The following TRPC5 variants were observed in gnomAD, a reference collection of about 807,000 sequenced individuals.
TRPC5 encodes the protein short transient receptor potential channel 5.
A neutral mutation model predicts 56.5 loss-of-function variants in TRPC5; 9 were observed. That is an observed-to-expected ratio of 0.16 (90% confidence interval 0.10 to 0.28). The LOEUF (loss-of-function observed/expected upper bound fraction) is 0.28. Ranked by LOEUF, TRPC5 falls within the 10% of genes least tolerant of loss-of-function variation. TRPC5 has a pLI of 1.00. For synonymous variants in TRPC5, 282 were observed against 278.5 expected, an observed-to-expected ratio of 1.01 and a Z score of -0.13; for missense variants, 469 against 748.9, an observed-to-expected ratio of 0.63 and a Z score of 4.36.
chrX:111,799,276 G>A (rs1921225131), intron 7 of TRPC5, among the ~76,000 whole-genome samples: 1 of 111,274 alleles, frequency 9.0e-6, no homozygotes, highest in South Asian at 3.9e-4. Flanking sequence ...GTACTAGAAG[G>A]CCTGGACAAT....
intron 1 of TRPC5, among the ~76,000 whole-genome samples, chrX:112,024,241 G>T (rs1929358806): frequency 1.8e-5 from 2 of 111,957 alleles, no homozygotes; most frequent in African/African-American, 6.5e-5. Flanking sequence ...TATTCTGGGT[G>T]TGTCTGTGAG....
chrX:111,941,915 A>G (rs1159939962), intron 2 of TRPC5, among the ~76,000 whole-genome samples: 1 of 111,930 alleles, frequency 8.9e-6, no homozygotes, highest in Non-Finnish European at 1.9e-5. Context: ...TGTAGCAAGG[A>G]CTGCAGGTGT....
At chrX:112,050,523 C>T (rs1248270086) in intron 1 of TRPC5, among the ~76,000 whole-genome samples, 1 of 112,383 alleles carries the variant, frequency 8.9e-6, no homozygotes, top group East Asian at 2.8e-4. Flanking sequence ...TTGTGCACAT[C>T]TTGCTAACCT....
At chrX:112,065,064 C>T (rs1332664116) in intron 1 of TRPC5, among the ~76,000 whole-genome samples, 1 of 98,418 alleles carries the variant, frequency 1.0e-5, no homozygotes, top group Non-Finnish European at 2.0e-5. Flanking sequence ...GGGAGACCAG[C>T]GAGACTACGT....
intron 1 of TRPC5, among the ~76,000 whole-genome samples, chrX:112,035,592 C>G (rs932333973): frequency 4.6e-5 from 5 of 109,890 alleles, no homozygotes; most frequent in Non-Finnish European, 9.5e-5. Flanking sequence ...AAGAATATAT[C>G]TTTGATTATT....
At chrX:111,843,894 G>A (rs1458778116) in intron 6 of TRPC5, among the ~76,000 whole-genome samples, 1 of 105,190 alleles carries the variant, frequency 9.5e-6, no homozygotes, top group African/African-American at 3.6e-5. Context: ...GTGTGTGTGT[G>A]TGTGTGTGTG....
intron 1 of TRPC5, among the ~76,000 whole-genome samples, chrX:112,053,671 A>G (rs1930272592): frequency 9.0e-6 from 1 of 110,726 alleles, no homozygotes; most frequent in African/African-American, 3.3e-5. Context: ...TTGAATGGAG[A>G]TATAGGAAGG....
intron 5 of TRPC5, among the ~76,000 whole-genome samples, chrX:111,848,274 A>G (rs184723643): frequency 9.0e-6 from 1 of 111,631 alleles, no homozygotes; most frequent in African/African-American, 3.3e-5. Flanking sequence ...GTAGCCTTGT[A>G]GAAAGATGAC....
chrX:111,912,111 G>A (rs1230832400), intron 3 of TRPC5, among the ~76,000 whole-genome samples, 180 bp downstream of exon 3: 2 of 111,867 alleles, frequency 1.8e-5, no homozygotes, highest in Admixed American at 9.5e-5. Context: ...TTACTTATCT[G>A]GCCATAAAGA....
At chrX:112,067,480 C>G (rs1178235423) in intron 1 of TRPC5, among the ~76,000 whole-genome samples, 2 of 112,442 alleles carry the variant, frequency 1.8e-5, no homozygotes, top group Admixed American at 9.4e-5. Context: ...CTTTGTCAGG[C>G]CAATTATGTC....
At chrX:112,063,156 T>C (rs998210920) in intron 1 of TRPC5, among the ~76,000 whole-genome samples, 40 of 111,603 alleles carry the variant, frequency 3.6e-4, no homozygotes, top group African/African-American at 1.3e-3. Flanking sequence ...AAAATATTAG[T>C]CTCAGTGCAT....
intron 1 of TRPC5, among the ~76,000 whole-genome samples, chrX:111,990,094 G>C (rs1287953863): frequency 8.9e-6 from 1 of 112,215 alleles, no homozygotes; most frequent in Non-Finnish European, 1.9e-5. Flanking sequence ...AGACTAAGTA[G>C]TCTCCAAGGT....
intron 3 of TRPC5, among the ~76,000 whole-genome samples, chrX:111,880,522 A>C (rs1924160627): frequency 8.9e-6 from 1 of 112,319 alleles, no homozygotes; most frequent in Non-Finnish European, 1.9e-5. Flanking sequence ...AATAGTACCT[A>C]CAAACTTCAG....
chrX:111,824,878 C>G (rs765245677), intron 7 of TRPC5, among the ~76,000 whole-genome samples: 238 of 111,759 alleles, frequency 2.1e-3, no homozygotes, highest in Non-Finnish European at 3.1e-3. Flanking sequence ...GTGTTACCGC[C>G]TTTAATAAAC....
intron 1 of TRPC5, among the ~76,000 whole-genome samples, chrX:112,046,991 C>T (rs1930047047): frequency 9.0e-6 from 1 of 111,518 alleles, no homozygotes; most frequent in Admixed American, 9.5e-5. Context: ...TTTCCTTGGC[C>T]GTCCATCCCA....
intron 1 of TRPC5, among the ~76,000 whole-genome samples, chrX:112,008,081 C>T (rs1488332513): frequency 8.9e-6 from 1 of 111,758 alleles, no homozygotes; most frequent in Non-Finnish European, 1.9e-5. Context: ...AAGGTGAAAC[C>T]CACCAAACAC....
intron 3 of TRPC5, among the ~76,000 whole-genome samples, chrX:111,876,492 G>C (rs1483767416): frequency 1.8e-5 from 2 of 111,556 alleles, no homozygotes; most frequent in African/African-American, 6.5e-5. Context: ...TATAAACATC[G>C]TTTATGTAAA....
chrX:111,826,440 T>G (rs779735672), intron 7 of TRPC5, among the ~76,000 whole-genome samples: 4 of 112,538 alleles, frequency 3.6e-5, no homozygotes, highest in Non-Finnish European at 7.5e-5. Context: ...TCTGAATGTT[T>G]TCTTTCTCCT....
chrX:111,828,121 A>C (rs192922961), intron 7 of TRPC5, among the ~76,000 whole-genome samples: 23 of 112,081 alleles, frequency 2.1e-4, no homozygotes, highest in African/African-American at 6.8e-4. Flanking sequence ...TCTCCTGCAC[A>C]CTGCCTGAAT....
Sources: allele counts gnomAD v4.1 joint callset (sites outside exome capture counted in the v4.1 genomes callset), GRCh38; gene constraint gnomAD v4.1.1; transcripts MANE v1.5; gene names NCBI Gene and HGNC (gene_info 2026-07-23, HGNC 2026-07-21).